XKR6: variants seen among roughly 807,000 people sequenced by gnomAD.
XKR6 encodes the protein XK-related protein 6.
XKR6 carries 22 observed loss-of-function variants against 56.7 expected under a neutral mutation model. The ratio of observed to expected loss-of-function variants is 0.39; its 90% CI spans 0.28 to 0.55. The LOEUF (loss-of-function observed/expected upper bound fraction) is 0.55, where lower values mean the gene tolerates loss of function less well. Among genes scored for constraint, XKR6 ranks in the 20% least tolerant of loss-of-function variants. XKR6 has a pLI of 0.66. For synonymous variants in XKR6, 524 were observed against 387.8 expected, an observed-to-expected ratio of 1.35 and a Z score of -4.13; for missense variants, 852 against 889.0, an observed-to-expected ratio of 0.96 and a Z score of 0.53.
At chr8:10,904,632 G>T (rs1343864733) in intron 2 of XKR6, among the ~76,000 whole-genome samples, 1 of 152,178 alleles carries the variant, frequency 6.6e-6, no homozygotes, top group Non-Finnish European at 1.5e-5. Flanking sequence ...GCCAGGAAGG[G>T]AGGCTGTGAC....
At chr8:11,087,353 C>T (rs975093111) in intron 1 of XKR6, among the ~76,000 whole-genome samples, 4 of 152,164 alleles carry the variant, frequency 2.6e-5, no homozygotes, top group Non-Finnish European at 2.9e-5. Flanking sequence ...TTCCACCCCT[C>T]GGGGAAGGGC....
chr8:11,160,910 T>G (rs1258751114), intron 1 of XKR6, among the ~76,000 whole-genome samples: 3 of 21,196 alleles, frequency 1.4e-4, no homozygotes, highest in African/African-American at 8.1e-4. Flanking sequence ...AGACTCCGTC[T>G]CAAAAAAAAA....
At chr8:10,963,643 G>A (rs1249819640) in intron 1 of XKR6, among the ~76,000 whole-genome samples, 7 of 151,914 alleles carry the variant, frequency 4.6e-5, no homozygotes, top group Admixed American at 3.3e-4. Context: ...CCAGGCTCAA[G>A]CAATCCTCCC....
chr8:11,159,109 C>G (rs916108869), intron 1 of XKR6, among the ~76,000 whole-genome samples: 9 of 152,184 alleles, frequency 5.9e-5, no homozygotes, highest in African/African-American at 2.2e-4. Context: ...TGGACATTAA[C>G]AGTACTAGCT....
intron 1 of XKR6, among the ~76,000 whole-genome samples, chr8:10,975,770 C>T (rs1219494461): frequency 1.3e-5 from 2 of 152,252 alleles, no homozygotes; most frequent in African/African-American, 4.8e-5. Context: ...ACTGTGTCTG[C>T]TTAGGCCTGG....
At chr8:10,996,639 G>C (rs959051297) in intron 1 of XKR6, among the ~76,000 whole-genome samples, 1 of 152,170 alleles carries the variant, frequency 6.6e-6, no homozygotes, top group Non-Finnish European at 1.5e-5. Context: ...TGAGGGGCAG[G>C]GGTAAGGGAT....
chr8:11,059,715 C>T (rs1393905388), intron 1 of XKR6, among the ~76,000 whole-genome samples: 1 of 149,346 alleles, frequency 6.7e-6, no homozygotes, highest in African/African-American at 2.4e-5. Flanking sequence ...CTCTGTTCCC[C>T]GGCTCCCCGG....
intron 1 of XKR6, among the ~76,000 whole-genome samples, chr8:11,074,392 C>A (rs909767043): frequency 6.6e-6 from 1 of 152,212 alleles, no homozygotes; most frequent in Non-Finnish European, 1.5e-5. Context: ...CCAGCAAGAT[C>A]CAGCCTGCAA....
At chr8:11,101,635 C>A (rs958497199) in intron 1 of XKR6, among the ~76,000 whole-genome samples, 1 of 152,200 alleles carries the variant, frequency 6.6e-6, no homozygotes, top group Non-Finnish European at 1.5e-5. Context: ...GAATTTTCCC[C>A]CTCCTTGGTG....
chr8:11,121,099 G>A (rs1157724235), intron 1 of XKR6, among the ~76,000 whole-genome samples: 1 of 152,108 alleles, frequency 6.6e-6, no homozygotes, highest in African/African-American at 2.4e-5. Flanking sequence ...AGAAAACCTA[G>A]GCAATACCAC....
chr8:10,993,594 T>C (rs1397798472), intron 1 of XKR6, among the ~76,000 whole-genome samples: 2 of 152,158 alleles, frequency 1.3e-5, no homozygotes, highest in Non-Finnish European at 2.9e-5. Context: ...TGAGGCCGGG[T>C]GCAGAGGAGC....
At chr8:11,097,972 G>T (rs1029601994) in intron 1 of XKR6, among the ~76,000 whole-genome samples, 1 of 151,820 alleles carries the variant, frequency 6.6e-6, no homozygotes, top group Non-Finnish European at 1.5e-5. Flanking sequence ...CATCAAATAC[G>T]TAATATCAAC....
chr8:11,078,098 C>T (rs1351241978), intron 1 of XKR6, among the ~76,000 whole-genome samples: 1 of 152,180 alleles, frequency 6.6e-6, no homozygotes, highest in Non-Finnish European at 1.5e-5. Flanking sequence ...ACTCTGCAGC[C>T]TCTCTTGGTG....
chr8:11,051,204 T>A (rs1038639601), intron 1 of XKR6, among the ~76,000 whole-genome samples: 1 of 151,886 alleles, frequency 6.6e-6, no homozygotes, highest in African/African-American at 2.4e-5. Flanking sequence ...TCCAGACACT[T>A]CTTCTTCCTG....
intron 1 of XKR6, among the ~76,000 whole-genome samples, chr8:10,934,811 T>C (rs1372107901): frequency 6.7e-6 from 1 of 149,980 alleles, no homozygotes; most frequent in Non-Finnish European, 1.5e-5. Context: ...CAGTATTTTA[T>C]TGAGGATTTT....
At position 10,957,462 on chromosome 8, in the gene XKR6, G is replaced by A. The variant is rs1369970161; in HGVS notation, c.765-32632C>T. Among the ~76,000 whole-genome samples the A allele has an allele frequency of 2.0e-5, 3 of 152,286 alleles. No homozygotes were observed. In the East Asian group the frequency reaches 5.8e-4, roughly 29 times the overall value. ...CTCAGGGAGCCTCTTGTGGCCCATG[G>A]TGTGCCCCTCTCCCCACCTGCTCCC... On this transcript the variant is annotated intron_variant, in intron 1 of 2. Coordinates refer to ENST00000416569, the MANE Select transcript of XKR6 (RefSeq NM_173683.4).
At chr8:11,151,169 T>C (rs1006565046) in intron 1 of XKR6, among the ~76,000 whole-genome samples, 3 of 152,176 alleles carry the variant, frequency 2.0e-5, no homozygotes, top group African/African-American at 4.8e-5. Context: ...GACATACTCA[T>C]TGGATATTTG....
intron 1 of XKR6, among the ~76,000 whole-genome samples, chr8:11,095,345 T>C (rs561554557): frequency 6.6e-6 from 1 of 152,278 alleles, no homozygotes; most frequent in Non-Finnish European, 1.5e-5. Flanking sequence ...AAATATATTG[T>C]ATCTTCTAAG....
chr8:11,093,291 G>A (rs529807130), intron 1 of XKR6, among the ~76,000 whole-genome samples: 7 of 152,286 alleles, frequency 4.6e-5, no homozygotes, highest in African/African-American at 1.4e-4. Context: ...CTGACCTCGG[G>A]TGATCCGCCC....
Sources: allele counts gnomAD v4.1 joint callset (sites outside exome capture counted in the v4.1 genomes callset), GRCh38; gene constraint gnomAD v4.1.1; transcripts MANE v1.5; gene names NCBI Gene and HGNC (gene_info 2026-07-23, HGNC 2026-07-21).